PP2D1: variants seen among roughly 807,000 people sequenced by gnomAD.
PP2D1 encodes the protein protein phosphatase 2C-like domain-containing protein 1.
Under a neutral mutation model 30.2 loss-of-function variants are expected in PP2D1, and 25 were observed. The ratio of observed to expected loss-of-function variants is 0.83; its 90% CI spans 0.60 to 1.16. The LOEUF is 1.16. Ranked by LOEUF, PP2D1 falls within the 50% of genes most tolerant of loss-of-function variation. The probability of loss-of-function intolerance (pLI) is 0.00; values close to 1 mark genes in which losing one functional copy is unlikely to be tolerated. For synonymous variants in PP2D1, 260 were observed against 258.9 expected (o/e 1.00, Z -0.04); for missense variants, 760 against 742.4 (o/e 1.02, Z -0.28).
chr3:19,993,710 A>C (rs1276691771), intron 2 of PP2D1, among the ~76,000 whole-genome samples: 1 of 152,106 alleles, frequency 6.6e-6, no homozygotes, highest in Non-Finnish European at 1.5e-5. Flanking sequence ...ACTCTACTCC[A>C]GTGTGGATAA....
intron 2 of PP2D1, among the ~76,000 whole-genome samples, chr3:19,991,243 A>G (rs2125139300): frequency 6.6e-6 from 1 of 152,336 alleles, no homozygotes; most frequent in East Asian, 1.9e-4. Context: ...TGCAGAGGGT[A>G]ATGATGTGGC....
intron 2 of PP2D1, chr3:19,996,860 C>T (rs999541094): frequency 1.3e-5 from 2 of 152,048 alleles, no homozygotes; most frequent in Admixed American, 1.3e-4. Flanking sequence ...GTGATTATTG[C>T]TAATTGAAAA....
At chr3:19,981,380 C>T (rs911754234), downstream of PP2D1, among the ~76,000 whole-genome samples, 1 of 152,188 alleles carries the variant, frequency 6.6e-6, no homozygotes, top group Admixed American at 6.5e-5. Flanking sequence ...GAGGCCAAGG[C>T]GGGCTATCAC....
At chr3:20,006,280 C>A (rs1697317733) in intron 1 of PP2D1, among the ~76,000 whole-genome samples, 1 of 152,062 alleles carries the variant, frequency 6.6e-6, no homozygotes, top group Non-Finnish European at 1.5e-5. Context: ...AATACATTTT[C>A]TGAAGGCAAG....
intron 2 of PP2D1, among the ~76,000 whole-genome samples, chr3:19,996,622 C>T (rs1324099850): frequency 1.3e-5 from 2 of 152,070 alleles, no homozygotes; most frequent in African/African-American, 4.8e-5. Context: ...AGAAAACACA[C>T]AACAACAAAG....
In PP2D1 at chr3:19,985,799, T is replaced by C. The variant is rs749787127; in HGVS notation, c.1474A>G (p.Lys492Glu). ...CTGGTTGAAAAAAGCAGAGGCCCTT[T>C]GGATGGTGATTTGTTAGGTATGATA... is the stretch of plus-strand genomic sequence containing the variant. ...CPIIPNKSPS[K>E]GPLLFSTSEP... is the part of the protein sequence containing the mutation. Residue 492 changes from lysine to glutamate, a missense_variant, in exon 3 of 3, where the codon AAA becomes GAA. Transcript: ENST00000389050. 95 of 1,536,130 alleles carry C rather than the reference T, an allele frequency of 6.2e-5. No individual in the cohort carries two copies. Among genetic ancestry groups the C allele is most frequent in the South Asian group, 3.0e-4 (25 of 84,060 alleles).
chr3:19,984,092 A>G, downstream of PP2D1: 1 of 415,634 alleles, frequency 2.4e-6, no homozygotes. Context: ...ATTTCTCATC[A>G]CTAGGAATAT....
At chr3:19,981,434 C>G (rs1259440554), downstream of PP2D1, among the ~76,000 whole-genome samples, 1 of 151,850 alleles carries the variant, frequency 6.6e-6, no homozygotes, top group Non-Finnish European at 1.5e-5. Context: ...GCCAACATGT[C>G]GAAACCCCGT....
Position 19,985,478 on chromosome 3 carries a change from G to A in PP2D1, c.1795C>T (p.His599Tyr). The A allele has an allele frequency of 2.0e-6, 3 of 1,535,976 alleles. No individual in the cohort carries two copies. Among genetic ancestry groups the A allele is most frequent in the Non-Finnish European group, 2.6e-6 (3 of 1,146,824 alleles). ...AGTAAAGCAGCATTTACAAGTTCAT[G>A]GCTAACATACTCAGCTGCGCCTTCA... ...FYEGAAEYVS[H>Y]ELVNAALLAG... Residue 599 changes from histidine (H) to tyrosine (Y), a missense_variant, in exon 3 of 3, where the codon CAT (histidine) becomes TAT (tyrosine). His to Tyr is a moderately conservative substitution (Grantham distance 83, BLOSUM62 2). Coordinates refer to ENST00000389050, the MANE Select transcript of PP2D1 (RefSeq NM_001252657.2).
At chr3:19,993,694 C>G (rs960603214) in intron 2 of PP2D1, among the ~76,000 whole-genome samples, 1 of 151,894 alleles carries the variant, frequency 6.6e-6, no homozygotes, top group Non-Finnish European at 1.5e-5. Context: ...GAGCCAAGAT[C>G]GAGCCACTCT....
At chr3:20,000,986 C>G in intron 2 of PP2D1, 44 bp downstream of exon 2, 1 of 1,171,798 alleles carries the variant, frequency 8.5e-7, no homozygotes, top group Non-Finnish European at 1.1e-6. Context: ...CTGCAAGGAA[C>G]CAAAAACATA....
At chr3:19,981,682 T>A (rs1696930732), downstream of PP2D1, among the ~76,000 whole-genome samples, 1 of 151,962 alleles carries the variant, frequency 6.6e-6, no homozygotes, top group Admixed American at 6.6e-5. Context: ...AGCCCCATTG[T>A]AAGTCAAGGA....
At chr3:19,998,095 A>G (rs1038683361) in intron 2 of PP2D1, among the ~76,000 whole-genome samples, 1 of 152,218 alleles carries the variant, frequency 6.6e-6, no homozygotes, top group East Asian at 1.9e-4. Flanking sequence ...TTTGGGAGGC[A>G]GAGGAGGGTG....
At chr3:19,998,416 A>G (rs1697210283) in intron 2 of PP2D1, among the ~76,000 whole-genome samples, 1 of 152,206 alleles carries the variant, frequency 6.6e-6, no homozygotes, top group Non-Finnish European at 1.5e-5. Context: ...TATAGTTAAC[A>G]ATAATTCACT....
At chr3:20,011,323 G>A (rs1188618028) in intron 1 of PP2D1, among the ~76,000 whole-genome samples, 1 of 152,104 alleles carries the variant, frequency 6.6e-6, no homozygotes, top group Non-Finnish European at 1.5e-5. Flanking sequence ...AGTTTTATGA[G>A]CCTTGATGGA....
chr3:20,000,994 A>T, intron 2 of PP2D1, 36 bp downstream of exon 2: 2 of 1,201,640 alleles, frequency 1.7e-6, no homozygotes. Context: ...AACCAAAAAC[A>T]TAAAGGTGTT....
At chr3:19,994,954 T>C (rs1207856849) in intron 2 of PP2D1, among the ~76,000 whole-genome samples, 1 of 152,182 alleles carries the variant, frequency 6.6e-6, no homozygotes, top group Non-Finnish European at 1.5e-5. Flanking sequence ...TGGAGAATAA[T>C]TCCTGTTCCA....
chr3:19,986,408 TTAAAAC>T (rs1575082206), intron 2 of PP2D1, among the ~76,000 whole-genome samples: 1 of 152,198 alleles, frequency 6.6e-6, no homozygotes, highest in African/African-American at 2.4e-5. Flanking sequence ...CTTTTAGTGT[TTAAAAC>T]TATTACATTT....
chr3:19,992,659 G>A (rs954144566), intron 2 of PP2D1, among the ~76,000 whole-genome samples: 1 of 152,184 alleles, frequency 6.6e-6, no homozygotes, highest in Non-Finnish European at 1.5e-5. Context: ...GAGAAAGCTA[G>A]TACTGTTCAT....
Sources: gnomAD v4.1 joint callset for allele counts (sites outside exome capture counted in the v4.1 genomes callset) on GRCh38, gnomAD v4.1.1 for gene constraint, MANE v1.5 for transcripts, NCBI Gene and HGNC (gene_info 2026-07-23, HGNC 2026-07-21) for gene names.